The following BRSK2 variants were observed in gnomAD, a reference collection of about 807,000 sequenced individuals.
BRSK2 encodes BR serine/threonine kinase 2.
Under a neutral mutation model 83.3 loss-of-function variants are expected in BRSK2, and 19 were observed. That is an observed-to-expected ratio of 0.23 (90% confidence interval 0.16 to 0.33). The LOEUF (loss-of-function observed/expected upper bound fraction) is 0.33. Among genes scored for constraint, BRSK2 ranks in the 10% least tolerant of loss-of-function variants. The probability of loss-of-function intolerance (pLI) is 1.00; values close to 1 mark genes in which losing one functional copy is unlikely to be tolerated. For missense variants in BRSK2, 798 were observed against 1,042.3 expected, an observed-to-expected ratio of 0.77 and a Z score of 3.23; for synonymous variants, 519 against 435.4, an observed-to-expected ratio of 1.19 and a Z score of -2.39.
chr11:1,406,576 A>C (rs1369995113), intron 1 of BRSK2, among the ~76,000 whole-genome samples: 1 of 152,206 alleles, frequency 6.6e-6, no homozygotes, highest in African/African-American at 2.4e-5. Flanking sequence ...ATTTGGCAAC[A>C]CAGGAGGGCG....
At chr11:1,440,081 G>A (rs1294549329) in intron 3 of BRSK2, among the ~76,000 whole-genome samples, 3 of 152,158 alleles carry the variant, frequency 2.0e-5, no homozygotes, top group African/African-American at 7.2e-5. Flanking sequence ...CACACCAGGG[G>A]CCACCACCCT....
Position 1,462,643 on chromosome 11 carries a change from T to C in BRSK2, c.*1920T>C, listed in dbSNP as rs1847624690. 6.6e-6 allele frequency: 1 copy of C among 152,308 alleles called. No individual in the cohort carries two copies. Among genetic ancestry groups the C allele is most frequent in the Non-Finnish European group, 1.5e-5 (1 of 68,096 alleles). 9.4% of individuals were successfully genotyped at this position (152,308 alleles called of 1,614,324 possible). A position where few individuals can be genotyped will look rare whatever the true frequency, so the allele number is the denominator to read the frequency against. ...CCCTGCAGTGTACCCCTGTCATAACTGTGAGCAGCTGCAGCTCCGGAACAA... is the reference window on the plus strand; with the variant it reads ...CCCTGCAGTGTACCCCTGTCATAACCGTGAGCAGCTGCAGCTCCGGAACAA... On this transcript the variant is annotated 3_prime_UTR_variant, in exon 20 of 20. Coordinates refer to ENST00000528841, the MANE Select transcript of BRSK2 (RefSeq NM_001256627.2).
At chr11:1,399,614 C>G (rs988878531) in intron 1 of BRSK2, among the ~76,000 whole-genome samples, 2 of 152,140 alleles carry the variant, frequency 1.3e-5, no homozygotes, top group African/African-American at 2.4e-5. Context: ...TGGCAGCTGT[C>G]CCCCCAGGGC....
chr11:1,439,977 T>G (rs1003925351), intron 3 of BRSK2, among the ~76,000 whole-genome samples: 23 of 152,234 alleles, frequency 1.5e-4, no homozygotes, highest in African/African-American at 5.1e-4. Context: ...AACCAGCTCC[T>G]GGGACAGCCA....
intron 1 of BRSK2, among the ~76,000 whole-genome samples, chr11:1,403,242 G>T (rs1045705028): frequency 6.6e-6 from 1 of 152,182 alleles, no homozygotes; most frequent in Non-Finnish European, 1.5e-5. Context: ...GGCCAGCCTT[G>T]TCTGCTGGAG....
intron 1 of BRSK2, among the ~76,000 whole-genome samples, chr11:1,424,825 G>C (rs1028406985): frequency 6.6e-6 from 1 of 152,074 alleles, no homozygotes; most frequent in African/African-American, 2.4e-5. Flanking sequence ...CTACTGGCGG[G>C]GGGGCAGGTT....
Position 1,454,296 on chromosome 11 carries a change from G to T in BRSK2, c.1545-189G>T. 1 of 635,478 alleles carries T rather than the reference G, an allele frequency of 1.6e-6. No individual in the cohort carries two copies. The highest frequency in any genetic ancestry group is 1.8e-5 in the South Asian group (1 of 54,786). 39.4% of individuals were successfully genotyped at this position (635,478 alleles called of 1,614,324 possible). A position where few individuals can be genotyped will look rare whatever the true frequency, so the allele number is the denominator to read the frequency against. ...GGTTGGGGTTAGAGCCACGGTGATG[G>T]TCAGGGCATATGGGCTAGGGTTAGG... On this transcript the variant is annotated intron_variant, in intron 15 of 19. Transcript: ENST00000528841. The surrounding 1 kb of genome is among the most constrained non-coding windows in gnomAD (Gnocchi z 5.2).
intron 1 of BRSK2, among the ~76,000 whole-genome samples, chr11:1,421,248 C>T (rs1350629030): frequency 1.3e-5 from 2 of 152,206 alleles, no homozygotes; most frequent in Non-Finnish European, 2.9e-5. Flanking sequence ...TGAGGCCAGG[C>T]ACGTCTGGGG....
intron 1 of BRSK2, among the ~76,000 whole-genome samples, chr11:1,421,486 G>A (rs556175018): frequency 6.7e-4 from 102 of 152,322 alleles, no homozygotes; most frequent in African/African-American, 9.4e-4. Flanking sequence ...CAGAGGCAGC[G>A]GAGCGGCTGC....
intron 1 of BRSK2, among the ~76,000 whole-genome samples, chr11:1,424,149 T>C (rs1564823347): frequency 6.6e-6 from 1 of 152,212 alleles, no homozygotes; most frequent in Non-Finnish European, 1.5e-5. Flanking sequence ...CCAGCTGTGA[T>C]GTGGGGCCAT....
chr11:1,433,725 C>G (rs926094247), intron 1 of BRSK2, among the ~76,000 whole-genome samples: 14 of 152,368 alleles, frequency 9.2e-5, no homozygotes, highest in South Asian at 2.1e-4. Context: ...CCTGAGTGCT[C>G]CTCCGGCTGA....
chr11:1,392,077 C>G (rs145802224), intron 1 of BRSK2, among the ~76,000 whole-genome samples: 3 of 152,296 alleles, frequency 2.0e-5, no homozygotes, highest in African/African-American at 7.2e-5. Context: ...AGAGCGCAAG[C>G]GTGTCACCGG....
chr11:1,442,474 C>T lies in BRSK2; in HGVS notation c.414-16C>T, dbSNP rs753969291. ...CAGAGACTGGCCCTGTTCAGCCTCA[C>T]CACCCTCCTCCCCAGCCACAGGGAT... is the stretch of plus-strand genomic sequence containing the variant. On this transcript the variant is annotated splice_polypyrimidine_tract_variant and intron_variant, in intron 4 of 19. Coordinates refer to ENST00000528841, the MANE Select transcript of BRSK2 (RefSeq NM_001256627.2). The T allele has an allele frequency of 6.2e-7, 1 of 1,605,106 alleles. No homozygotes were observed. The highest frequency in any genetic ancestry group is 8.5e-7 in the Non-Finnish European group (1 of 1,173,064).
Position 1,460,903 on chromosome 11 carries a change from CTCT to C in BRSK2, c.*182_*184del. ...GTGGGCTGCGCCACCCGCGCCCGCT[CTCT>C]TTTCTCTCTGTCTCTGCCTCTGCCT... is the stretch of plus-strand genomic sequence containing the variant. On this transcript the variant is annotated 3_prime_UTR_variant, in exon 20 of 20. Transcript: ENST00000528841. 1 of 1,609,486 alleles carries C rather than the reference CTCT, an allele frequency of 6.2e-7. No homozygotes were observed. The highest frequency in any genetic ancestry group is 8.5e-7 in the Non-Finnish European group (1 of 1,178,446).
chr11:1,395,912 C>T (rs1846051678), intron 1 of BRSK2, among the ~76,000 whole-genome samples: 1 of 152,242 alleles, frequency 6.6e-6, no homozygotes, highest in Non-Finnish European at 1.5e-5. Flanking sequence ...TGTCCAGAAC[C>T]ACTGGGGAAT....
At chr11:1,399,552 C>T (rs767944309) in intron 1 of BRSK2, among the ~76,000 whole-genome samples, 4 of 152,090 alleles carry the variant, frequency 2.6e-5, no homozygotes, top group Non-Finnish European at 4.4e-5. Context: ...GTGGCAAGGC[C>T]GGGCTGGTCA....
chr11:1,411,509 G>T, intron 1 of BRSK2: 1 of 1,503,280 alleles, frequency 6.7e-7, no homozygotes. Context: ...GCCCAGCGGT[G>T]GGCAGGGGAG....
chr11:1,446,827 G>A (rs375237017), intron 12 of BRSK2, among the ~76,000 whole-genome samples: 114 of 152,308 alleles, frequency 7.5e-4, no homozygotes, highest in African/African-American at 2.5e-3. Context: ...CCAGGAGCCC[G>A]GGCAGCAGTC....
intron 1 of BRSK2, among the ~76,000 whole-genome samples, chr11:1,425,212 G>A (rs996055278): frequency 9.8e-5 from 15 of 152,354 alleles, no homozygotes; most frequent in Middle Eastern, 3.4e-3. Flanking sequence ...CCACTCAGCA[G>A]GTGGCTTCGG....
Sources: gnomAD v4.1 joint callset for allele counts (sites outside exome capture counted in the v4.1 genomes callset) on GRCh38, gnomAD v4.1.1 for gene constraint, Gnocchi (gnomAD v3.1) non-coding constraint, MANE v1.5 for transcripts, NCBI Gene and HGNC (gene_info 2026-07-23, HGNC 2026-07-21) for gene names.